Variants in SLC22A13 observed in about 807,000 individuals in gnomAD.
SLC22A13 encodes the protein solute carrier family 22 member 13.
SLC22A13 carries 42 observed loss-of-function variants against 49.1 expected under a neutral mutation model. That is an observed-to-expected ratio of 0.85 (90% CI 0.67 to 1.11). The LOEUF is 1.11. Among genes scored for constraint, SLC22A13 ranks in the 50% least tolerant of loss-of-function variants. The pLI is 0.00. For missense variants in SLC22A13, 694 were observed against 712.8 expected, an observed-to-expected ratio of 0.97 and a Z score of 0.30; for synonymous variants, 282 against 293.1, an observed-to-expected ratio of 0.96 and a Z score of 0.39.
chr3:38,269,253 T>G (rs551186471), intron 1 of SLC22A13, among the ~76,000 whole-genome samples: 1 of 152,164 alleles, frequency 6.6e-6, no homozygotes, highest in African/African-American at 2.4e-5. Context: ...TTGCAGAGAA[T>G]GAACTTCAAT....
chr3:38,267,879 T>G (rs1703479838), intron 1 of SLC22A13, among the ~76,000 whole-genome samples: 2 of 151,700 alleles, frequency 1.3e-5, no homozygotes, highest in African/African-American at 4.8e-5. Context: ...AGGTGGAGAA[T>G]AAGAATAGCA....
intron 1 of SLC22A13, among the ~76,000 whole-genome samples, chr3:38,273,814 TAAATA>T (rs1165868604): frequency 6.6e-6 from 1 of 152,232 alleles, no homozygotes; most frequent in Non-Finnish European, 1.5e-5. Context: ...ATGTTATTCT[TAAATA>T]CAATAACTTA....
intron 1 of SLC22A13, among the ~76,000 whole-genome samples, chr3:38,270,974 G>A (rs530471249): frequency 3.4e-4 from 51 of 152,212 alleles, no homozygotes; most frequent in African/African-American, 1.2e-3. Flanking sequence ...AATGCTTTGT[G>A]CCCTGCACCA....
At position 38,266,234 on chromosome 3, in the gene SLC22A13, AT is replaced by A; in HGVS notation, c.375del (p.Asn125LysfsTer12). 6.2e-7 allele frequency: 1 copy of A among 1,613,526 alleles called. No homozygotes were observed. The highest frequency in any genetic ancestry group is 8.5e-7 in the Non-Finnish European group (1 of 1,179,514). ...GAGAACAGGCTCCCATCCCTGAAGA[AT>A]GAGGTAGGCTTGTCCTTTTGCTGGT... ...YPENRLPSLK[N>X]EFNLVCDRKH... On this transcript the variant is annotated frameshift_variant, in exon 1 of 10. Transcript: ENST00000311856. LOFTEE classifies it high-confidence loss of function.
rs771375535 is a variant in SLC22A13 at position 38,276,945 on chromosome 3, A to G, written c.1380A>G (p.Ser460=). Residue 460 remains serine (S), a synonymous_variant, in exon 9 of 10, where the codon TCA becomes TCG. Transcript: ENST00000311856. ...GCATGGGGCTGGTGGGCATCTTCTCACGGATCGGGGGCATCCTCACACCAC... is the reference window on the plus strand; with the variant it reads ...GCATGGGGCTGGTGGGCATCTTCTCGCGGATCGGGGGCATCCTCACACCAC... ...QTGMGLVGIF[S]RIGGILTPLV... 1 of 1,613,740 alleles carries G rather than the reference A, an allele frequency of 6.2e-7. No individual in the cohort carries two copies.
intron 1 of SLC22A13, among the ~76,000 whole-genome samples, chr3:38,267,718 A>G (rs1703478040): frequency 6.6e-6 from 1 of 152,186 alleles, no homozygotes; most frequent in Non-Finnish European, 1.5e-5. Flanking sequence ...TTGCAGAGGA[A>G]TAAAGGGCTG....
Position 38,277,139 on chromosome 3 carries a change from G to T in SLC22A13, c.1562+12G>T. ...GGGCCTCACCCACGGTGAGCTGCTT[G>T]CTTGCACTGAAACCACGACTTGGGT... On this transcript the variant is annotated intron_variant, in intron 9 of 9. Transcript: ENST00000311856. 2 of 1,546,574 alleles carry T rather than the reference G, an allele frequency of 1.3e-6. No individual in the cohort carries two copies.
intron 8 of SLC22A13, 130 bp from the exon 9 acceptor site, chr3:38,276,782 G>A (rs1017593119): frequency 7.9e-6 from 6 of 762,488 alleles, no homozygotes; most frequent in Non-Finnish European, 1.3e-5. Context: ...AGGAACGCTG[G>A]CTGGGCTGGG....
chr3:38,276,841 A>G, intron 8 of SLC22A13, 71 bp from the exon 9 acceptor site: 1 of 1,360,436 alleles, frequency 7.4e-7, no homozygotes, highest in Non-Finnish European at 1.0e-6. Context: ...CTCCCGAGGA[A>G]ATATACTAGG....
intron 1 of SLC22A13, among the ~76,000 whole-genome samples, chr3:38,273,430 C>T (rs927692601): frequency 6.6e-6 from 1 of 152,018 alleles, no homozygotes; most frequent in East Asian, 1.9e-4. Flanking sequence ...TGTGTGTGTT[C>T]CTCTCTCCTA....
At chr3:38,271,333 G>A (rs990020973) in intron 1 of SLC22A13, among the ~76,000 whole-genome samples, 3 of 152,020 alleles carry the variant, frequency 2.0e-5, no homozygotes, top group African/African-American at 7.3e-5. Flanking sequence ...GGGAGGCTGA[G>A]GCAGGAGGAT....
rs1000074773 is a variant in SLC22A13 at position 38,276,836 on chromosome 3, G to A, written c.1347-76G>A. ...AGACCTTTGAGGTCTGGACTCTCCC[G>A]AGGAAATATACTAGGGTGAAGCTGA... is the stretch of plus-strand genomic sequence containing the variant. On this transcript the variant is annotated intron_variant, in intron 8 of 9. Coordinates refer to ENST00000311856, the MANE Select transcript of SLC22A13 (RefSeq NM_004256.4). 1.8e-5 allele frequency: 24 copies of A among 1,331,276 alleles called. No individual in the cohort carries two copies. The South Asian group carries it at 2.1e-4, about 11-fold the overall frequency. The allele number at this position is 1,331,276 out of a possible 1,614,324, so 82.5% of individuals were successfully genotyped here. A position where few individuals can be genotyped will look rare whatever the true frequency, so the allele number is the denominator to read the frequency against.
At chr3:38,269,352 G>T (rs1313999603) in intron 1 of SLC22A13, among the ~76,000 whole-genome samples, 4 of 152,012 alleles carry the variant, frequency 2.6e-5, no homozygotes, top group Admixed American at 6.5e-5. Context: ...CCACCTCCTG[G>T]GTTCAAGTGA....
rs761849993 is a variant in SLC22A13 at position 38,274,728 on chromosome 3, G to T, written c.607G>T (p.Ala203Ser). ...ALRFAVATAV[A>S]GLSFSNVTLL... The stretch of plus-strand genomic sequence containing the variant: ...GCGCTTTGCTGTGGCTACTGCCGTC[G>T]CTGGACTTAGCTTCAGCAATGTCAC... Residue 203 changes from alanine to serine, a missense_variant, in exon 3 of 10, where the codon GCT (alanine) becomes TCT (serine). Coordinates refer to ENST00000311856, the MANE Select transcript of SLC22A13 (RefSeq NM_004256.4). 6 of 1,614,056 alleles carry T rather than the reference G, an allele frequency of 3.7e-6. No individual in the cohort carries two copies. Among genetic ancestry groups the T allele is most frequent in the Non-Finnish European group, 5.1e-6 (6 of 1,179,990 alleles).
rs531050849 is a variant in SLC22A13, at chr3:38,275,500, G to C, written c.927+10G>C. The C allele has an allele frequency of 4.1e-5, 66 of 1,614,192 alleles. No individual in the cohort carries two copies. In the East Asian group the frequency reaches 1.2e-3, roughly 28 times the overall value. ...GGAGCTCATGAACCAGGTACTTCCA[G>C]CAGGCCCAGGCCCAGGCCCAGAATC... On this transcript the variant is annotated intron_variant, in intron 5 of 9. Transcript: ENST00000311856.
At chr3:38,276,734 G>A (rs1255529440) in intron 8 of SLC22A13, among the ~76,000 whole-genome samples, 178 bp from the exon 9 acceptor site, 1 of 152,186 alleles carries the variant, frequency 6.6e-6, no homozygotes, top group Non-Finnish European at 1.5e-5. Flanking sequence ...CAGGGGTGTA[G>A]CAGGCAGGGA....
intron 1 of SLC22A13, chr3:38,270,372 T>A (rs1446539623): frequency 4.7e-6 from 1 of 214,910 alleles, no homozygotes; most frequent in Non-Finnish European, 9.9e-6. Context: ...GGCTTCTGTT[T>A]TTTGTTCTTG....
intron 1 of SLC22A13, among the ~76,000 whole-genome samples, chr3:38,269,943 C>T (rs1258389482): frequency 6.8e-6 from 1 of 146,734 alleles, no homozygotes; most frequent in East Asian, 2.0e-4. Context: ...GTTCAATTCC[C>T]ACCTATGAGT....
At position 38,278,124 on chromosome 3, in the gene SLC22A13, T is replaced by A. The variant is rs1703608350; in HGVS notation, c.*659T>A. ...ACACTCAGCTCATGCCTAACCTATGTGTGGCTCAGGGACCAGCTTGGGGAA... is the reference window on the plus strand; with the variant it reads ...ACACTCAGCTCATGCCTAACCTATGAGTGGCTCAGGGACCAGCTTGGGGAA... On this transcript the variant is annotated 3_prime_UTR_variant, in exon 10 of 10. Transcript: ENST00000311856. 6.6e-6 allele frequency: 1 copy of A among 152,494 alleles called. No individual in the cohort carries two copies. Among genetic ancestry groups the A allele is most frequent in the Non-Finnish European group, 1.5e-5 (1 of 68,294 alleles). The allele number at this position is 152,494 out of a possible 1,614,324, so 9.4% of individuals were successfully genotyped here. A position where few individuals can be genotyped will look rare whatever the true frequency, so the allele number is the denominator to read the frequency against.
Sources: allele counts gnomAD v4.1 joint callset (sites outside exome capture counted in the v4.1 genomes callset), GRCh38; gene constraint gnomAD v4.1.1; transcripts MANE v1.5; gene names NCBI Gene and HGNC (gene_info 2026-07-23, HGNC 2026-07-21).